The following CACNA2D1 variants were observed in gnomAD, a reference collection of about 807,000 sequenced individuals.
CACNA2D1 encodes the protein calcium voltage-gated channel auxiliary subunit alpha2delta 1.
A neutral mutation model predicts 171.5 loss-of-function variants in CACNA2D1; 53 were observed. That is an observed-to-expected ratio of 0.31 (90% confidence interval 0.25 to 0.39). The LOEUF is 0.39. CACNA2D1 is among the 10% of genes least tolerant of loss of function. The probability of loss-of-function intolerance (pLI) is 1.00; values close to 1 mark genes in which losing one functional copy is unlikely to be tolerated. For missense variants in CACNA2D1, 903 were observed against 1,299.8 expected, an observed-to-expected ratio of 0.69 and a Z score of 4.69; for synonymous variants, 442 against 443.1, an observed-to-expected ratio of 1.00 and a Z score of 0.03.
chr7:82,340,690 T>C (rs886198931), intron 2 of CACNA2D1, among the ~76,000 whole-genome samples: 4 of 152,186 alleles, frequency 2.6e-5, no homozygotes, highest in African/African-American at 7.2e-5. Context: ...CATCAGGAAA[T>C]AATGAAATTA....
At chr7:82,158,826 ATACT>A (rs940907567) in intron 4 of CACNA2D1, among the ~76,000 whole-genome samples, 4 of 151,980 alleles carry the variant, frequency 2.6e-5, no homozygotes, top group Admixed American at 2.0e-4. Context: ...GATAGTTTTG[ATACT>A]TACTTCATGG....
intron 1 of CACNA2D1, among the ~76,000 whole-genome samples, chr7:82,396,979 T>C (rs1197412148): frequency 1.3e-5 from 2 of 152,208 alleles, no homozygotes; most frequent in African/African-American, 4.8e-5. Context: ...CACTGTGAAT[T>C]GAAATGCGTT....
chr7:82,218,113 T>C (rs1801361392), intron 3 of CACNA2D1, among the ~76,000 whole-genome samples: 1 of 151,860 alleles, frequency 6.6e-6, no homozygotes, highest in African/African-American at 2.4e-5. Flanking sequence ...CTTTTGTATT[T>C]TTAGTAGAGA....
intron 3 of CACNA2D1, among the ~76,000 whole-genome samples, chr7:82,233,390 C>T (rs1204692915): frequency 6.6e-6 from 1 of 152,066 alleles, no homozygotes; most frequent in Non-Finnish European, 1.5e-5. Flanking sequence ...GATGCATTCA[C>T]ATCAAAAAAC....
chr7:82,318,598 CCTT>C (rs2129436856), intron 3 of CACNA2D1, among the ~76,000 whole-genome samples: 1 of 152,230 alleles, frequency 6.6e-6, no homozygotes, highest in East Asian at 1.9e-4. Context: ...TCTCTCCATG[CCTT>C]CTTCTCTTTC....
intron 6 of CACNA2D1, among the ~76,000 whole-genome samples, chr7:82,111,721 T>G (rs1307061490): frequency 6.6e-6 from 1 of 151,894 alleles, no homozygotes; most frequent in African/African-American, 2.4e-5. Context: ...AGTGCTGGGA[T>G]TACAGGCATG....
chr7:82,011,734 T>C (rs1396345343), intron 15 of CACNA2D1, among the ~76,000 whole-genome samples: 1 of 152,190 alleles, frequency 6.6e-6, no homozygotes, highest in Non-Finnish European at 1.5e-5. Context: ...GCTATAGCTG[T>C]GGAGGCTAGA....
chr7:81,968,859 T>C, intron 29 of CACNA2D1, 28 bp downstream of exon 29: 3 of 1,120,814 alleles, frequency 2.7e-6, no homozygotes, highest in East Asian at 2.4e-5. Flanking sequence ...ATTTTGATTG[T>C]GTTTTTGTAT....
intron 1 of CACNA2D1, among the ~76,000 whole-genome samples, chr7:82,384,550 G>A (rs1291459881): frequency 6.6e-6 from 1 of 151,684 alleles, no homozygotes; most frequent in Non-Finnish European, 1.5e-5. Context: ...AGCCTCAGCA[G>A]AGTTGTAAAA....
intron 1 of CACNA2D1, among the ~76,000 whole-genome samples, chr7:82,426,074 T>G (rs919979176): frequency 2.0e-5 from 3 of 151,566 alleles, no homozygotes; most frequent in Admixed American, 2.0e-4. Context: ...GAGGCTGCAA[T>G]GAGCCAAGAT....
intron 1 of CACNA2D1, among the ~76,000 whole-genome samples, chr7:82,384,814 CA>C (rs1824143537): frequency 6.6e-6 from 1 of 152,048 alleles, no homozygotes; most frequent in South Asian, 2.1e-4. Flanking sequence ...GGACAGAAAT[CA>C]ACAAAAAATA....
intron 4 of CACNA2D1, among the ~76,000 whole-genome samples, chr7:82,152,280 T>A (rs10268843): frequency 0.49 from 53,731 of 109,826 alleles, 11,330 homozygotes; most frequent in African/African-American, 0.63. Flanking sequence ...CCCCCAAAAA[T>A]AAATTAGATC....
At chr7:82,283,155 TA>T (rs535957888) in intron 3 of CACNA2D1, among the ~76,000 whole-genome samples, 3,208 of 148,368 alleles carry the variant, frequency 0.022, 60 homozygotes, top group Middle Eastern at 0.066. Flanking sequence ...CTGCGGCTAT[TA>T]AAAAAAAAAA....
chr7:81,992,515 T>G (rs1001385442), intron 20 of CACNA2D1, among the ~76,000 whole-genome samples: 1 of 152,030 alleles, frequency 6.6e-6, no homozygotes, highest in Non-Finnish European at 1.5e-5. Flanking sequence ...TTAAAAGAAT[T>G]AGAAGAAACA....
intron 1 of CACNA2D1, among the ~76,000 whole-genome samples, chr7:82,418,782 C>G (rs139477965): frequency 6.6e-4 from 100 of 152,248 alleles, no homozygotes; most frequent in South Asian, 1.9e-3. Flanking sequence ...TTTGGTGTAT[C>G]AGAGTTCAGG....
chr7:82,309,593 C>T (rs1049336932), intron 3 of CACNA2D1, among the ~76,000 whole-genome samples: 2 of 152,140 alleles, frequency 1.3e-5, no homozygotes, highest in Non-Finnish European at 2.9e-5. Context: ...TAATCTAAAG[C>T]TGTAAACGCT....
chr7:82,211,828 A>G (rs1800588776), intron 3 of CACNA2D1, among the ~76,000 whole-genome samples: 1 of 152,192 alleles, frequency 6.6e-6, no homozygotes, highest in Non-Finnish European at 1.5e-5. Flanking sequence ...TCCCACTGGC[A>G]GTACATAAAC....
chr7:82,257,297 G>A (rs1223373933), intron 3 of CACNA2D1, among the ~76,000 whole-genome samples: 1 of 152,126 alleles, frequency 6.6e-6, no homozygotes, highest in East Asian at 1.9e-4. Flanking sequence ...ATACAAGACA[G>A]GATTTTGGCC....
At chr7:82,373,165 C>G (rs1554529740) in intron 1 of CACNA2D1, among the ~76,000 whole-genome samples, 1 of 152,200 alleles carries the variant, frequency 6.6e-6, no homozygotes, top group Non-Finnish European at 1.5e-5. Flanking sequence ...GCCAGGGTGA[C>G]AGAGTGAGAC....
Sources: allele counts gnomAD v4.1 joint callset (sites outside exome capture counted in the v4.1 genomes callset), GRCh38; gene constraint gnomAD v4.1.1; transcripts MANE v1.5; gene names NCBI Gene and HGNC (gene_info 2026-07-23, HGNC 2026-07-21).